The following RAD51B variants were observed in gnomAD, a reference collection of about 807,000 sequenced individuals.
RAD51B encodes RAD51 paralog B.
Under a neutral mutation model 42.2 loss-of-function variants are expected in RAD51B, and 38 were observed. The ratio of observed to expected loss-of-function variants is 0.90; its 90% CI spans 0.70 to 1.18. The LOEUF (loss-of-function observed/expected upper bound fraction) is 1.18, where lower values mean the gene tolerates loss of function less well. Ranked by LOEUF, RAD51B falls within the 50% of genes most tolerant of loss-of-function variation. RAD51B has a pLI of 0.00. For synonymous variants in RAD51B, 154 were observed against 145.2 expected, an observed-to-expected ratio of 1.06 and a Z score of -0.43; for missense variants, 373 against 400.7, an observed-to-expected ratio of 0.93 and a Z score of 0.59.
intron 7 of RAD51B, among the ~76,000 whole-genome samples, chr14:67,911,081 G>A (rs892768526): frequency 6.6e-5 from 10 of 152,110 alleles, no homozygotes; most frequent in African/African-American, 2.4e-4. Flanking sequence ...GCCTCCCAAA[G>A]TTCTAGGATT....
chr14:68,648,052 T>C (rs189001137), intron 10 of RAD51B, among the ~76,000 whole-genome samples: 1,177 of 100,440 alleles, frequency 0.012, 29 homozygotes, highest in East Asian at 0.039. Flanking sequence ...CGTATATAGA[T>C]GTGTGTGTGT....
chr14:68,361,587 G>A (rs1460502036), intron 8 of RAD51B, among the ~76,000 whole-genome samples: 2 of 152,072 alleles, frequency 1.3e-5, no homozygotes, highest in Non-Finnish European at 2.9e-5. Flanking sequence ...AGCTATGGGG[G>A]GTAAGGATGG....
intron 9 of RAD51B, chr14:68,422,142 G>A: frequency 7.3e-7 from 1 of 1,378,056 alleles, no homozygotes; most frequent in South Asian, 1.2e-5. Flanking sequence ...AAGGAGACAT[G>A]GCCCAAGGGC....
chr14:68,412,233 C>A (rs933139809), intron 9 of RAD51B, among the ~76,000 whole-genome samples: 2 of 152,154 alleles, frequency 1.3e-5, no homozygotes, highest in African/African-American at 2.4e-5. Context: ...TAAAAAAATT[C>A]TTTTTCCTAA....
intron 10 of RAD51B, among the ~76,000 whole-genome samples, chr14:68,537,796 T>G (rs1459473575): frequency 1.3e-5 from 2 of 152,012 alleles, no homozygotes; most frequent in African/African-American, 4.8e-5. Context: ...GACCTTTTCA[T>G]TTCTTTATTT....
rs373603962 is a variant in RAD51B, at chr14:67,923,819, G to T, written c.756+36615G>T. ...AATCTCCACATTGTTTTCCATAGAG[G>T]TTGTACTAGTTTACATTTGCACCAG... On this transcript the variant is annotated intron_variant, in intron 7 of 10. Coordinates refer to ENST00000471583, the MANE Select transcript of RAD51B (RefSeq NM_133510.4). Among the ~76,000 whole-genome samples the T allele has an allele frequency of 4.6e-5, 7 of 152,188 alleles. No individual in the cohort carries two copies. The East Asian group carries it at 1.2e-3, about 25-fold the overall frequency.
At chr14:68,030,833 T>A (rs2140369598) in intron 7 of RAD51B, among the ~76,000 whole-genome samples, 1 of 152,308 alleles carries the variant, frequency 6.6e-6, no homozygotes, top group Non-Finnish European at 1.5e-5. Context: ...GACATGCAAC[T>A]CTTCCTTTAA....
chr14:68,490,794 AG>A (rs1884006912), intron 10 of RAD51B, among the ~76,000 whole-genome samples: 1 of 152,180 alleles, frequency 6.6e-6, no homozygotes, highest in Middle Eastern at 3.2e-3. Flanking sequence ...CAAGGCCAAA[AG>A]AAGGGAGGGG....
chr14:68,555,142 G>A (rs746255383), intron 10 of RAD51B, among the ~76,000 whole-genome samples: 6 of 152,056 alleles, frequency 3.9e-5, no homozygotes, highest in South Asian at 2.1e-4. Context: ...TACCGTGCCC[G>A]GCCAAAAAAA....
chr14:68,090,553 G>A (rs1399790263), intron 7 of RAD51B, among the ~76,000 whole-genome samples: 1 of 151,992 alleles, frequency 6.6e-6, no homozygotes, highest in Non-Finnish European at 1.5e-5. Context: ...ATGTACAGGT[G>A]CAAATGTGTG....
At chr14:68,669,967 T>TG (rs1893119348) in intron 11 of RAD51B, among the ~76,000 whole-genome samples, 1 of 152,026 alleles carries the variant, frequency 6.6e-6, no homozygotes, top group Admixed American at 6.5e-5. Flanking sequence ...CAGGCCCTGG[T>TG]GGGGGGCTCA....
intron 8 of RAD51B, among the ~76,000 whole-genome samples, chr14:68,303,687 G>A (rs951524881): frequency 1.3e-5 from 2 of 152,088 alleles, no homozygotes; most frequent in African/African-American, 4.8e-5. Flanking sequence ...TGAGATGTTG[G>A]GTGGCCAGGT....
intron 11 of RAD51B, among the ~76,000 whole-genome samples, chr14:68,679,886 C>T (rs1341273156): frequency 6.6e-6 from 1 of 152,168 alleles, no homozygotes; most frequent in African/African-American, 2.4e-5. Flanking sequence ...CACTTCTTTC[C>T]AGTAGTGTGC....
chr14:68,320,111 C>T (rs760358245), intron 8 of RAD51B, among the ~76,000 whole-genome samples: 2 of 152,194 alleles, frequency 1.3e-5, no homozygotes, highest in African/African-American at 2.4e-5. Context: ...CCTCTCCCTC[C>T]CCAAGCCCCC....
intron 7 of RAD51B, among the ~76,000 whole-genome samples, chr14:67,990,272 G>T (rs926972234): frequency 3.9e-5 from 6 of 152,054 alleles, no homozygotes; most frequent in Admixed American, 1.3e-4. Flanking sequence ...TGGGATTACA[G>T]GCGTAAGCCA....
intron 10 of RAD51B, among the ~76,000 whole-genome samples, chr14:68,577,806 C>T (rs1032668421): frequency 2.6e-5 from 4 of 152,176 alleles, no homozygotes; most frequent in African/African-American, 9.7e-5. Context: ...GTTGTGTCCC[C>T]GGCACTTAGA....
In RAD51B at chr14:68,120,257, T is replaced by C. The variant is rs1026715955; in HGVS notation, c.757-171627T>C. ...TGAGTAGGTTGTGAAAATTTTCTCC[T>C]ATTTTGTAGGTTGCCTGTTCACTCT... On this transcript the variant is annotated intron_variant, in intron 7 of 10. Coordinates refer to ENST00000471583, the MANE Select transcript of RAD51B (RefSeq NM_133510.4). Among the ~76,000 whole-genome samples, 6 of 152,176 alleles carry C rather than the reference T, an allele frequency of 3.9e-5. No individual in the cohort carries two copies. The South Asian group carries it at 6.2e-4, about 16-fold the overall frequency.
chr14:68,497,211 T>C, intron 10 of RAD51B: 3 of 1,379,118 alleles, frequency 2.2e-6, no homozygotes, highest in African/African-American at 1.4e-5. Flanking sequence ...AAACAAAATA[T>C]TGGGAAAGAG....
chr14:68,176,170 G>C (rs894588475), intron 7 of RAD51B, among the ~76,000 whole-genome samples: 4 of 152,150 alleles, frequency 2.6e-5, no homozygotes, highest in East Asian at 3.9e-4. Flanking sequence ...CCTAGGAGAT[G>C]ATGAGGAGGC....
Sources: gnomAD v4.1 joint callset for allele counts (sites outside exome capture counted in the v4.1 genomes callset) on GRCh38, gnomAD v4.1.1 for gene constraint, MANE v1.5 for transcripts, NCBI Gene and HGNC (gene_info 2026-07-23, HGNC 2026-07-21) for gene names.